The following LRP6 variants were observed in gnomAD, a reference collection of about 807,000 sequenced individuals.
LRP6 encodes LDL receptor related protein 6.
Under a neutral mutation model 184.1 loss-of-function variants are expected in LRP6, and 43 were observed. That is an observed-to-expected ratio of 0.23 (90% CI 0.18 to 0.30). The LOEUF is 0.30. LRP6 is among the 10% of genes least tolerant of loss of function. The probability of loss-of-function intolerance (pLI) is 1.00; values close to 1 mark genes in which losing one functional copy is unlikely to be tolerated. For synonymous variants in LRP6, 719 were observed against 684.9 expected (o/e 1.05, Z -0.78); for missense variants, 1,571 against 2,005.3 (o/e 0.78, Z 4.14).
At chr12:12,230,249 C>G (rs144964419) in intron 2 of LRP6, among the ~76,000 whole-genome samples, 1 of 152,124 alleles carries the variant, frequency 6.6e-6, no homozygotes, top group Non-Finnish European at 1.5e-5. Context: ...GACACACAAG[C>G]CATTTTATAC....
At chr12:12,180,873 AT>A (rs561387716) in intron 6 of LRP6, among the ~76,000 whole-genome samples, 169 bp downstream of exon 6, 107 of 152,298 alleles carry the variant, frequency 7.0e-4, no homozygotes, top group Admixed American at 2.9e-3. Context: ...AAAACTAGCA[AT>A]TTTTAAACTT....
intron 1 of LRP6, among the ~76,000 whole-genome samples, chr12:12,252,496 AATAGGG>A (rs1189524633): frequency 6.6e-6 from 1 of 152,218 alleles, no homozygotes; most frequent in Non-Finnish European, 1.5e-5. Flanking sequence ...AAATGTTATT[AATAGGG>A]ATATTTTGGA....
intron 14 of LRP6, among the ~76,000 whole-genome samples, chr12:12,148,178 G>A (rs979047463): frequency 6.6e-6 from 1 of 151,502 alleles, no homozygotes; most frequent in Non-Finnish European, 1.5e-5. Flanking sequence ...AAGTTATTAG[G>A]GAGCTTTCAT....
At chr12:12,198,361 A>T (rs1863822393) in intron 3 of LRP6, among the ~76,000 whole-genome samples, 1 of 151,834 alleles carries the variant, frequency 6.6e-6, no homozygotes, top group Non-Finnish European at 1.5e-5. Flanking sequence ...CTCTCAAATC[A>T]TCTTTTGTCT....
chr12:12,181,262 C>T lies in LRP6; in HGVS notation c.1154G>A (p.Arg385His), dbSNP rs374598321. 4 of 1,614,114 alleles carry T rather than the reference C, an allele frequency of 2.5e-6. No individual in the cohort carries two copies. Among genetic ancestry groups the T allele is most frequent in the East Asian group, 2.2e-5 (1 of 44,882 alleles). ...YWTDDEVRAI[R>H]RSFIDGSGSQ... Reference sequence around the variant, plus strand: ...GCCAGATCCATCTATAAATGAACGGCGTATGGCCCTCACTTCATCATCAGT... The same window carrying T: ...GCCAGATCCATCTATAAATGAACGGTGTATGGCCCTCACTTCATCATCAGT... The change falls in exon 6 of 23, where the codon CGC becomes CAC. Residue 385 changes from arginine (R) to histidine (H), a missense_variant. This residue lies in a region of LRP6 where 640 missense variants were observed against 851.9 expected (regional missense o/e 0.75). Coordinates refer to ENST00000261349, the MANE Select transcript of LRP6 (RefSeq NM_002336.3).
intron 7 of LRP6, among the ~76,000 whole-genome samples, chr12:12,168,096 T>A (rs902395928): frequency 1.3e-5 from 2 of 152,190 alleles, no homozygotes; most frequent in Admixed American, 1.3e-4. Flanking sequence ...ACACTTTTGC[T>A]GCTCTGCCAG....
intron 2 of LRP6, among the ~76,000 whole-genome samples, chr12:12,214,153 T>C (rs1199860750): frequency 6.6e-6 from 1 of 151,974 alleles, no homozygotes; most frequent in South Asian, 2.1e-4. Context: ...AGCACCCCAC[T>C]CTCAAAACAC....
intron 1 of LRP6, among the ~76,000 whole-genome samples, chr12:12,255,247 G>C (rs1173937801): frequency 6.6e-6 from 1 of 151,424 alleles, no homozygotes; most frequent in Non-Finnish European, 1.5e-5. Flanking sequence ...CTTGCCCTAA[G>C]CTTAAGAAAG....
chr12:12,215,319 C>G (rs1215013739), intron 2 of LRP6, among the ~76,000 whole-genome samples: 2 of 151,972 alleles, frequency 1.3e-5, no homozygotes, highest in African/African-American at 4.8e-5. Context: ...GGACAGCAAA[C>G]TGTGCAGAAA....
chr12:12,231,952 T>C (rs554575784), intron 2 of LRP6, among the ~76,000 whole-genome samples: 2 of 151,762 alleles, frequency 1.3e-5, no homozygotes, highest in South Asian at 2.1e-4. Context: ...GAGGCAAAGG[T>C]TGCAGTGAGC....
intron 13 of LRP6, among the ~76,000 whole-genome samples, chr12:12,149,779 G>A (rs1349364087): frequency 1.3e-5 from 2 of 152,064 alleles, no homozygotes; most frequent in East Asian, 3.9e-4. Flanking sequence ...TGATCCTCAA[G>A]TCTACACATG....
At chr12:12,198,986 A>T (rs1290174842) in intron 3 of LRP6, among the ~76,000 whole-genome samples, 4 of 152,222 alleles carry the variant, frequency 2.6e-5, no homozygotes, top group Middle Eastern at 6.3e-3. Flanking sequence ...TACACAATGC[A>T]TCTCATCTAC....
At chr12:12,178,588 T>G (rs1183554931) in intron 7 of LRP6, among the ~76,000 whole-genome samples, 1 of 152,192 alleles carries the variant, frequency 6.6e-6, no homozygotes, top group Admixed American at 6.5e-5. Flanking sequence ...ATATTCAAGC[T>G]GACCAAAATG....
chr12:12,256,074 T>C (rs1029226225), intron 1 of LRP6, among the ~76,000 whole-genome samples: 4 of 152,210 alleles, frequency 2.6e-5, no homozygotes, highest in African/African-American at 9.6e-5. Context: ...CTGGCTTTAG[T>C]CATTCATCTT....
intron 2 of LRP6, among the ~76,000 whole-genome samples, chr12:12,221,070 CCTT>C (rs1555119377): frequency 6.6e-6 from 1 of 152,172 alleles, no homozygotes; most frequent in Non-Finnish European, 1.5e-5. Context: ...ACCCCTCTCT[CCTT>C]AAGAACCAAT....
chr12:12,126,391 T>C (rs1341544577), intron 20 of LRP6, among the ~76,000 whole-genome samples: 7 of 152,338 alleles, frequency 4.6e-5, no homozygotes, highest in Admixed American at 4.6e-4. Flanking sequence ...TACAACTCTT[T>C]CACTAAATGA....
At chr12:12,242,947 C>A (rs1181937064) in intron 2 of LRP6, among the ~76,000 whole-genome samples, 1 of 152,178 alleles carries the variant, frequency 6.6e-6, no homozygotes, top group Non-Finnish European at 1.5e-5. Context: ...CCATTCTCCC[C>A]AAGTTCTCAT....
In LRP6 at chr12:12,164,334, G is replaced by A. The variant is rs1381846981; in HGVS notation, c.1991C>T (p.Ala664Val). The A allele has an allele frequency of 3.1e-6, 5 of 1,613,932 alleles. No homozygotes were observed. Among genetic ancestry groups the A allele is most frequent in the Non-Finnish European group, 4.2e-6 (5 of 1,179,960 alleles). The change falls in exon 9 of 23, where the codon GCT becomes GTT. Residue 664 changes from alanine (A) to valine (V), a missense_variant. This residue lies in a region of LRP6 where 640 missense variants were observed against 851.9 expected (regional missense o/e 0.75). Transcript: ENST00000261349. ...TGTCACATCAAAATCCAAAGCAGAA[G>A]CTTCTTTGACACCAGTGAGTGGAAT... ...VAIPLTGVKEASALDFDVTDN... is the reference protein window; with the variant it reads ...VAIPLTGVKEVSALDFDVTDN...
chr12:12,174,030 T>C (rs1863111897), intron 7 of LRP6, among the ~76,000 whole-genome samples: 1 of 152,200 alleles, frequency 6.6e-6, no homozygotes, highest in South Asian at 2.1e-4. Context: ...GTACATGTTG[T>C]GTGGTAAAGT....
Sources: gnomAD v4.1 joint callset for allele counts (sites outside exome capture counted in the v4.1 genomes callset) on GRCh38, gnomAD v4.1.1 for gene constraint, gnomAD v4.1.1 regional missense constraint, MANE v1.5 for transcripts, NCBI Gene and HGNC (gene_info 2026-07-23, HGNC 2026-07-21) for gene names.